The following KCNQ3 variants were observed in gnomAD, a reference collection of about 807,000 sequenced individuals.
KCNQ3 encodes potassium voltage-gated channel subfamily Q member 3.
KCNQ3 carries 30 observed loss-of-function variants against 92.5 expected under a neutral mutation model. The observed-to-expected ratio is 0.32, with a 90% CI of 0.24 to 0.44. The LOEUF is 0.44. Ranked by LOEUF, KCNQ3 falls within the 20% of genes least tolerant of loss-of-function variation. The pLI is 1.00. For missense variants in KCNQ3, 913 were observed against 1,140.3 expected, an observed-to-expected ratio of 0.80 and a Z score of 2.87; for synonymous variants, 450 against 468.8, an observed-to-expected ratio of 0.96 and a Z score of 0.52.
rs1216734133 is a variant in KCNQ3 at position 132,184,496 on chromosome 8, G to A, written c.478-129C>T. ...TGCTGGTTGTCTGGTTGGCAGGGAT[G>A]GCTGGGGATGGGGGTGGGGAAGGGG... On this transcript the variant is annotated intron_variant, in intron 2 of 14. Coordinates refer to ENST00000388996, the MANE Select transcript of KCNQ3 (RefSeq NM_004519.4). The A allele has an allele frequency of 4.1e-6, 4 of 982,504 alleles. No homozygotes were observed. The Admixed American group carries it at 7.5e-5, about 18-fold the overall frequency. The allele number at this position is 982,504 out of a possible 1,614,324, so 60.9% of individuals were successfully genotyped here. A position where few individuals can be genotyped will look rare whatever the true frequency, so the allele number is the denominator to read the frequency against.
At chr8:132,422,397 C>T (rs1962131) in intron 1 of KCNQ3, among the ~76,000 whole-genome samples, 39,169 of 151,994 alleles carry the variant, frequency 0.26, 5,342 homozygotes, top group African/African-American at 0.29. Context: ...TCAGCAGAGC[C>T]GCCAGAGGGA....
chr8:132,372,034 C>G (rs754640061), intron 1 of KCNQ3, among the ~76,000 whole-genome samples: 4 of 152,142 alleles, frequency 2.6e-5, no homozygotes, highest in Non-Finnish European at 5.9e-5. Context: ...CTTTCAGGAC[C>G]ATTTAGCCCC....
chr8:132,423,455 G>A (rs1821025279), intron 1 of KCNQ3, among the ~76,000 whole-genome samples: 5 of 152,142 alleles, frequency 3.3e-5, no homozygotes, highest in Admixed American at 6.5e-5. Flanking sequence ...AGGGGCAATG[G>A]TTAAGAGCAT....
At chr8:132,224,179 C>T (rs1036196091) in intron 1 of KCNQ3, among the ~76,000 whole-genome samples, 1 of 143,122 alleles carries the variant, frequency 7.0e-6, no homozygotes, top group Non-Finnish European at 1.5e-5. Flanking sequence ...AAGTGATTCT[C>T]CCACCTCAGC....
chr8:132,287,573 A>G (rs1816714048), intron 1 of KCNQ3, among the ~76,000 whole-genome samples: 1 of 152,256 alleles, frequency 6.6e-6, no homozygotes, highest in Admixed American at 6.5e-5. Context: ...AGATAATGGA[A>G]TATTACTCAG....
At chr8:132,401,732 T>C (rs946234907) in intron 1 of KCNQ3, among the ~76,000 whole-genome samples, 5 of 152,182 alleles carry the variant, frequency 3.3e-5, no homozygotes, top group Non-Finnish European at 7.3e-5. Flanking sequence ...TGAAAGAATC[T>C]CCTTTGACAT....
chr8:132,346,466 G>GGACAGCAGTC (rs1490090153), intron 1 of KCNQ3, among the ~76,000 whole-genome samples: 1 of 152,186 alleles, frequency 6.6e-6, no homozygotes, highest in Non-Finnish European at 1.5e-5. Context: ...CCTCTGAAAA[G>GGACAGCAGTC]CCTCTGGTGA....
chr8:132,327,188 C>A (rs145374256), intron 1 of KCNQ3, among the ~76,000 whole-genome samples: 71 of 152,290 alleles, frequency 4.7e-4, no homozygotes, highest in Non-Finnish European at 8.8e-4. Context: ...GTTTTATGGC[C>A]TTTAACACAT....
chr8:132,338,541 A>G (rs1818429930), intron 1 of KCNQ3, among the ~76,000 whole-genome samples: 1 of 152,176 alleles, frequency 6.6e-6, no homozygotes, highest in African/African-American at 2.4e-5. Context: ...GTTCATTTCA[A>G]TATCATCACT....
chr8:132,188,032 G>T (rs1232319408), intron 1 of KCNQ3, among the ~76,000 whole-genome samples: 1 of 152,106 alleles, frequency 6.6e-6, no homozygotes, highest in Admixed American at 6.6e-5. Flanking sequence ...TAGAGATGAA[G>T]ACATTCATCA....
chr8:132,128,575 G>A lies in KCNQ3; in HGVS notation c.*687C>T, dbSNP rs2130921424. ...CTCCCTGCCAATTCATAACTCATCA[G>A]AAATGCTACACTTGGGATTACCACC... On this transcript the variant is annotated 3_prime_UTR_variant, in exon 15 of 15. Transcript: ENST00000388996. The A allele has an allele frequency of 6.7e-6, 1 of 150,356 alleles. No homozygotes were observed. Among genetic ancestry groups the A allele is most frequent in the South Asian group, 2.1e-4 (1 of 4,754 alleles). 9.3% of individuals were successfully genotyped at this position (150,356 alleles called of 1,614,324 possible). A position where few individuals can be genotyped will look rare whatever the true frequency, so the allele number is the denominator to read the frequency against.
intron 1 of KCNQ3, among the ~76,000 whole-genome samples, chr8:132,435,675 T>G (rs972831299): frequency 6.6e-6 from 1 of 152,122 alleles, no homozygotes; most frequent in African/African-American, 2.4e-5. Context: ...TAGACCATTT[T>G]TTTCTTCTTT....
chr8:132,369,590 C>A (rs925024129), intron 1 of KCNQ3, among the ~76,000 whole-genome samples: 1 of 143,000 alleles, frequency 7.0e-6, no homozygotes. Flanking sequence ...CACACACACA[C>A]ACACACACAC....
At chr8:132,439,347 CCA>C (rs1444408049) in intron 1 of KCNQ3, among the ~76,000 whole-genome samples, 1 of 152,014 alleles carries the variant, frequency 6.6e-6, no homozygotes, top group Non-Finnish European at 1.5e-5. Flanking sequence ...AGATGAAGAG[CCA>C]CAGTCTCCCA....
At chr8:132,413,079 A>T (rs971686622) in intron 1 of KCNQ3, among the ~76,000 whole-genome samples, 1 of 152,228 alleles carries the variant, frequency 6.6e-6, no homozygotes, top group Non-Finnish European at 1.5e-5. Flanking sequence ...TGAGTGAATG[A>T]ATGAATGCAC....
At chr8:132,175,678 A>C in intron 4 of KCNQ3, 70 bp from the exon 5 acceptor site, 6 of 1,478,252 alleles carry the variant, frequency 4.1e-6, no homozygotes, top group Middle Eastern at 1.7e-4. Flanking sequence ...GGAGCCAGAC[A>C]CACCAGAGTT....
rs1824734106 is a variant in KCNQ3, at chr8:132,128,247, T to C, written c.*1015A>G. On this transcript the variant is annotated 3_prime_UTR_variant, in exon 15 of 15. Coordinates refer to ENST00000388996, the MANE Select transcript of KCNQ3 (RefSeq NM_004519.4). ...GTTCTCTATGGGACAACTGAGTGAC[T>C]CTGGGTATGTCACTTTACCTGAGCC... 2 of 152,314 alleles carry C rather than the reference T, an allele frequency of 1.3e-5. No individual in the cohort carries two copies. Among genetic ancestry groups the C allele is most frequent in the South Asian group, 4.1e-4 (2 of 4,828 alleles). 9.4% of individuals were successfully genotyped at this position (152,314 alleles called of 1,614,324 possible).
At chr8:132,141,621 C>T (rs149928554) in intron 9 of KCNQ3, among the ~76,000 whole-genome samples, 296 of 152,288 alleles carry the variant, frequency 1.9e-3, no homozygotes, top group African/African-American at 6.8e-3. Context: ...CTAGCTCATC[C>T]TAGTATGCTG....
intron 1 of KCNQ3, among the ~76,000 whole-genome samples, chr8:132,219,433 CTT>C (rs1814145709): frequency 6.6e-6 from 1 of 152,156 alleles, no homozygotes; most frequent in Non-Finnish European, 1.5e-5. Context: ...ACACTGGTGA[CTT>C]GGTAAACCCA....
Sources: gnomAD v4.1 joint callset for allele counts (sites outside exome capture counted in the v4.1 genomes callset) on GRCh38, gnomAD v4.1.1 for gene constraint, MANE v1.5 for transcripts, NCBI Gene and HGNC (gene_info 2026-07-23, HGNC 2026-07-21) for gene names.